The following SGPP2 variants were observed in gnomAD, a reference collection of about 807,000 sequenced individuals.
SGPP2 encodes the protein sphingosine-1-phosphate phosphatase 2.
SGPP2 carries 30 observed loss-of-function variants against 33.9 expected under a neutral mutation model. The observed-to-expected ratio is 0.89, with a 90% CI of 0.66 to 1.20. The LOEUF (loss-of-function observed/expected upper bound fraction) is 1.20, where lower values mean the gene tolerates loss of function less well. Among genes scored for constraint, SGPP2 ranks in the 50% most tolerant of loss-of-function variants. The pLI, the probability that SGPP2 is intolerant of heterozygous loss-of-function variation, is 0.00. For synonymous variants in SGPP2, 233 were observed against 225.0 expected, an observed-to-expected ratio of 1.04 and a Z score of -0.32; for missense variants, 458 against 532.1, an observed-to-expected ratio of 0.86 and a Z score of 1.37.
intron 4 of SGPP2, among the ~76,000 whole-genome samples, chr2:222,539,343 A>G (rs1227842186): frequency 6.6e-6 from 1 of 152,250 alleles, no homozygotes; most frequent in Non-Finnish European, 1.5e-5. Flanking sequence ...CTGGTTTAGC[A>G]TTGTTAAATG....
At chr2:222,551,037 T>C (rs1417970770) in intron 4 of SGPP2, among the ~76,000 whole-genome samples, 1 of 152,260 alleles carries the variant, frequency 6.6e-6, no homozygotes, top group Admixed American at 6.5e-5. Context: ...ACATTTGTTC[T>C]TTGCAAAGTA....
intron 4 of SGPP2, among the ~76,000 whole-genome samples, chr2:222,542,519 C>T (rs1699013476): frequency 6.6e-6 from 1 of 152,190 alleles, no homozygotes; most frequent in Non-Finnish European, 1.5e-5. Flanking sequence ...CAATTTCATT[C>T]TCACCAATAG....
chr2:222,453,057 G>T, intron 1 of SGPP2: 3 of 1,384,970 alleles, frequency 2.2e-6, no homozygotes, highest in African/African-American at 1.4e-5. Context: ...CTTTTGTGGC[G>T]CTATTCTCTG....
At chr2:222,490,245 G>A (rs1478186036) in intron 2 of SGPP2, among the ~76,000 whole-genome samples, 3 of 152,058 alleles carry the variant, frequency 2.0e-5, no homozygotes, top group African/African-American at 7.2e-5. Flanking sequence ...GCATGGGATG[G>A]ACCCTGGTTC....
chr2:222,558,250 G>T (rs1689450591), intron 4 of SGPP2, 97 bp from the exon 5 acceptor site: 5 of 1,299,836 alleles, frequency 3.8e-6, no homozygotes, highest in Non-Finnish European at 5.3e-6. Flanking sequence ...CAAAAATTGT[G>T]TTTTAAATAT....
chr2:222,426,775 A>G (rs1437136344), intron 1 of SGPP2, among the ~76,000 whole-genome samples: 1 of 152,164 alleles, frequency 6.6e-6, no homozygotes, highest in Non-Finnish European at 1.5e-5. Flanking sequence ...TGACTTGGGA[A>G]GATTAATCCT....
chr2:222,480,301 C>T lies in SGPP2; in HGVS notation c.378+5575C>T, dbSNP rs369534794. On this transcript the variant is annotated intron_variant, in intron 2 of 4. Transcript: ENST00000321276. ...TGAAATAGCAATGCAAACATTGACA[C>T]CGCAACTCATCCTGGGAGTTTGGAA... Among the ~76,000 whole-genome samples the T allele has an allele frequency of 1.4e-4, 22 of 152,332 alleles. No homozygotes were observed. The East Asian group carries it at 4.2e-3, about 29-fold the overall frequency.
At chr2:222,543,365 G>A (rs979222318) in intron 4 of SGPP2, among the ~76,000 whole-genome samples, 6 of 152,062 alleles carry the variant, frequency 3.9e-5, no homozygotes, top group Non-Finnish European at 5.9e-5. Context: ...GCATACAGTC[G>A]TTCCCTGTTA....
Position 222,521,950 on chromosome 2 carries a change from A to G in SGPP2, c.558+4A>G. 1 of 1,508,912 alleles carries G rather than the reference A, an allele frequency of 6.6e-7. No individual in the cohort carries two copies. The highest frequency in any genetic ancestry group is 2.5e-5 in the East Asian group (1 of 39,834). The allele number at this position is 1,508,912 out of a possible 1,614,324, so 93.5% of individuals were successfully genotyped here. A position where few individuals can be genotyped will look rare whatever the true frequency, so the allele number is the denominator to read the frequency against. On this transcript the variant is annotated splice_donor_region_variant and intron_variant, in intron 3 of 4. Coordinates refer to ENST00000321276, the MANE Select transcript of SGPP2 (RefSeq NM_152386.4). ...CTCTACTATGGACAGATACCAGGTA[A>G]GGTGGCCTGGTTCTTCTTCCTACCC...
intron 4 of SGPP2, among the ~76,000 whole-genome samples, chr2:222,535,514 A>C (rs1698901325): frequency 6.6e-6 from 1 of 152,234 alleles, no homozygotes; most frequent in Admixed American, 6.5e-5. Flanking sequence ...GGAGATGGAC[A>C]AAGACAGAAG....
rs1336172633 is a variant in SGPP2 at position 222,460,878 on chromosome 2, A to G, written c.220-13690A>G. Among the ~76,000 whole-genome samples, 1 of 151,772 alleles carries G rather than the reference A, an allele frequency of 6.6e-6. No individual in the cohort carries two copies. Among genetic ancestry groups the G allele is most frequent in the Non-Finnish European group, 1.5e-5 (1 of 67,942 alleles). On this transcript the variant is annotated intron_variant, in intron 1 of 4. Coordinates refer to ENST00000321276, the MANE Select transcript of SGPP2 (RefSeq NM_152386.4). This position sits in a 1 kb window ranked among gnomAD's most constrained non-coding sequence, Gnocchi z 4.3. ...GGGTGAATTCCTTTCCTCTCCCTTC[A>G]TGATGCCTTTTTAAAAAATCTCTTT...
intron 2 of SGPP2, among the ~76,000 whole-genome samples, chr2:222,485,469 T>A (rs1208171444): frequency 1.3e-5 from 2 of 152,268 alleles, no homozygotes; most frequent in Non-Finnish European, 2.9e-5. Flanking sequence ...TTTGGTACTT[T>A]TGTTTCGGAG....
chr2:222,492,560 C>T lies in SGPP2; in HGVS notation c.378+17834C>T, dbSNP rs531637425. ...AGGCCCTGGGTCCTGCCCACTAAAC[C>T]GCTTTTTCCTCCTAGGCCTCTGGGC... On this transcript the variant is annotated intron_variant, in intron 2 of 4. Transcript: ENST00000321276. 1.1e-4 allele frequency among the ~76,000 whole-genome samples: 16 copies of T among 152,352 alleles called. No individual in the cohort carries two copies. In the South Asian group the frequency reaches 2.5e-3, roughly 24 times the overall value.
intron 4 of SGPP2, among the ~76,000 whole-genome samples, chr2:222,528,036 A>G (rs1476578647): frequency 6.6e-6 from 1 of 152,124 alleles, no homozygotes; most frequent in Non-Finnish European, 1.5e-5. Context: ...GGATGGAATA[A>G]CTGGATTGAG....
At chr2:222,471,098 T>C (rs995960365) in intron 1 of SGPP2, among the ~76,000 whole-genome samples, 3 of 152,264 alleles carry the variant, frequency 2.0e-5, no homozygotes, top group African/African-American at 7.2e-5. Flanking sequence ...TCTCTTTCAA[T>C]TGAATTCACT....
chr2:222,546,618 C>T (rs146795811), intron 4 of SGPP2, among the ~76,000 whole-genome samples: 1,538 of 152,248 alleles, frequency 0.01, 20 homozygotes, highest in Middle Eastern at 0.014. Flanking sequence ...AGCAACATTT[C>T]CCAAGGTCAG....
At chr2:222,495,706 A>C in intron 2 of SGPP2, among the ~76,000 whole-genome samples, 1 of 152,140 alleles carries the variant, frequency 6.6e-6, no homozygotes, top group Non-Finnish European at 1.5e-5. Context: ...TCCCTTGTTT[A>C]TTAGTGACAA....
chr2:222,442,209 C>A (rs1053444788), intron 1 of SGPP2, among the ~76,000 whole-genome samples: 2 of 152,122 alleles, frequency 1.3e-5, no homozygotes, highest in African/African-American at 4.8e-5. Context: ...ATATTTTTGG[C>A]ATGTATCTTC....
chr2:222,510,176 C>T (rs779960841), intron 2 of SGPP2, among the ~76,000 whole-genome samples: 4 of 152,176 alleles, frequency 2.6e-5, no homozygotes, highest in Admixed American at 6.5e-5. Context: ...CTACCAAATG[C>T]TAACAACATT....
Sources: gnomAD v4.1 joint callset for allele counts (sites outside exome capture counted in the v4.1 genomes callset) on GRCh38, gnomAD v4.1.1 for gene constraint, Gnocchi (gnomAD v3.1) non-coding constraint, MANE v1.5 for transcripts, NCBI Gene and HGNC (gene_info 2026-07-23, HGNC 2026-07-21) for gene names.